Variants in PRKAA2 observed in about 807,000 individuals in gnomAD.
PRKAA2 encodes the protein 5'-AMP-activated protein kinase catalytic subunit alpha-2.
Under a neutral mutation model 56.3 loss-of-function variants are expected in PRKAA2, and 40 were observed. The observed-to-expected ratio is 0.71, with a 90% CI of 0.55 to 0.92. The LOEUF is 0.92. Ranked by LOEUF, PRKAA2 falls within the 40% of genes least tolerant of loss-of-function variation. PRKAA2 has a pLI of 0.00. For synonymous variants in PRKAA2, 214 were observed against 234.2 expected, an observed-to-expected ratio of 0.91 and a Z score of 0.79; for missense variants, 542 against 686.9, an observed-to-expected ratio of 0.79 and a Z score of 2.36.
intron 7 of PRKAA2, among the ~76,000 whole-genome samples, chr1:56,705,130 C>G (rs943486739): frequency 1.3e-5 from 2 of 151,944 alleles, no homozygotes; most frequent in Non-Finnish European, 2.9e-5. Flanking sequence ...GGATTGTGAA[C>G]TTTTAAAGGA....
chr1:56,672,857 A>G (rs1420550547), intron 1 of PRKAA2, among the ~76,000 whole-genome samples: 1 of 152,176 alleles, frequency 6.6e-6, no homozygotes, highest in African/African-American at 2.4e-5. Flanking sequence ...AAATGTAACT[A>G]CTGTAACTAC....
intron 1 of PRKAA2, among the ~76,000 whole-genome samples, chr1:56,665,764 G>C (rs1200826882): frequency 1.3e-5 from 2 of 152,000 alleles, no homozygotes; most frequent in Non-Finnish European, 2.9e-5. Flanking sequence ...ATTGCATTGT[G>C]GTCTTAATTT....
intron 1 of PRKAA2, among the ~76,000 whole-genome samples, chr1:56,657,977 C>T (rs2746353): frequency 0.57 from 86,301 of 151,864 alleles, 25,082 homozygotes; most frequent in East Asian, 0.83. Context: ...TCTTGCGAGA[C>T]TGAGAATATA....
intron 1 of PRKAA2, among the ~76,000 whole-genome samples, chr1:56,651,039 G>A (rs931489343): frequency 4.6e-5 from 7 of 152,152 alleles, no homozygotes; most frequent in African/African-American, 1.7e-4. Context: ...TGCTTGACTT[G>A]TGTGCTAGTG....
intron 2 of PRKAA2, among the ~76,000 whole-genome samples, chr1:56,688,896 A>G (rs934555418): frequency 1.3e-5 from 2 of 152,232 alleles, no homozygotes; most frequent in African/African-American, 4.8e-5. Context: ...TAGGTACTCA[A>G]TAAATGTTGT....
At chr1:56,691,529 T>C (rs375723174) in intron 3 of PRKAA2, 42 bp downstream of exon 3, 1 of 1,486,552 alleles carries the variant, frequency 6.7e-7, no homozygotes, top group East Asian at 2.3e-5. Context: ...TCTAAACTAA[T>C]AAAAAGGAAA....
chr1:56,699,911 T>C (rs1644282816), intron 6 of PRKAA2, among the ~76,000 whole-genome samples: 1 of 152,224 alleles, frequency 6.6e-6, no homozygotes, highest in African/African-American at 2.4e-5. Flanking sequence ...ACTTTCCTAC[T>C]GTAGCATGTA....
intron 1 of PRKAA2, among the ~76,000 whole-genome samples, chr1:56,671,114 A>C (rs537939886): frequency 2.0e-5 from 3 of 152,358 alleles, no homozygotes; most frequent in African/African-American, 7.2e-5. Context: ...ACAAAAGTTT[A>C]TATCTGTAAT....
At chr1:56,658,138 A>G (rs1028647235) in intron 1 of PRKAA2, among the ~76,000 whole-genome samples, 1 of 152,234 alleles carries the variant, frequency 6.6e-6, no homozygotes, top group African/African-American at 2.4e-5. Context: ...GGTAGCCATT[A>G]AAATGAAACC....
At chr1:56,660,323 G>A (rs563258764) in intron 1 of PRKAA2, among the ~76,000 whole-genome samples, 1 of 152,288 alleles carries the variant, frequency 6.6e-6, no homozygotes, top group South Asian at 2.1e-4. Flanking sequence ...TAACATTTAA[G>A]TTCATTTTAC....
At chr1:56,649,860 C>T (rs1467930213) in intron 1 of PRKAA2, among the ~76,000 whole-genome samples, 6 of 152,144 alleles carry the variant, frequency 3.9e-5, no homozygotes, top group South Asian at 4.2e-4. Context: ...TTTGGGAGGC[C>T]GAGGTAGGTG....
chr1:56,707,131 A>G (rs142943709), intron 8 of PRKAA2, among the ~76,000 whole-genome samples: 131 of 151,970 alleles, frequency 8.6e-4, no homozygotes, highest in African/African-American at 2.8e-3. Context: ...TACCTTAGTG[A>G]TTTTTTTTGT....
intron 2 of PRKAA2, among the ~76,000 whole-genome samples, chr1:56,676,469 A>G (rs889111710): frequency 6.6e-6 from 1 of 152,210 alleles, no homozygotes; most frequent in Non-Finnish European, 1.5e-5. Flanking sequence ...TGGGAAATGC[A>G]AAGAAATTCT....
Position 56,708,940 on chromosome 1 carries a change from G to A in PRKAA2, c.*1227G>A, listed in dbSNP as rs915688230. 2.6e-5 allele frequency: 4 copies of A among 151,518 alleles called. No individual in the cohort carries two copies. The highest frequency in any genetic ancestry group is 5.9e-5 in the Non-Finnish European group (4 of 67,860). 9.4% of individuals were successfully genotyped at this position (151,518 alleles called of 1,614,324 possible). A position where few individuals can be genotyped will look rare whatever the true frequency, so the allele number is the denominator to read the frequency against. On this transcript the variant is annotated 3_prime_UTR_variant, in exon 9 of 9. Transcript: ENST00000371244. ...CTTTTAAGCAAAAACCAGTTTTTTT[G>A]TTTGTTTGTTTTGCTTTGTGCAGGT...
chr1:56,682,479 C>G (rs1644161843), intron 2 of PRKAA2, among the ~76,000 whole-genome samples: 1 of 152,078 alleles, frequency 6.6e-6, no homozygotes, highest in African/African-American at 2.4e-5. Context: ...AAGCAAACTT[C>G]AAGTGTTGTA....
rs1217075097 is a variant in PRKAA2 at position 56,692,343 on chromosome 1, T to C, written c.331-15T>C. The C allele has an allele frequency of 1.9e-6, 3 of 1,613,742 alleles. No individual in the cohort carries two copies. In the South Asian group the frequency reaches 3.3e-5, roughly 18 times the overall value. On this transcript the variant is annotated splice_polypyrimidine_tract_variant and intron_variant, in intron 3 of 8. Coordinates refer to ENST00000371244, the MANE Select transcript of PRKAA2 (RefSeq NM_006252.4). ...CCCCAGATATTCTTAATGCAGTTTC[T>C]TTTGTGCTTGATAGGTTGAAGAGAT... is the stretch of plus-strand genomic sequence containing the variant.
chr1:56,654,400 A>G (rs1056272253), intron 1 of PRKAA2, among the ~76,000 whole-genome samples: 1 of 152,154 alleles, frequency 6.6e-6, no homozygotes, highest in African/African-American at 2.4e-5. Flanking sequence ...AATATTTTGT[A>G]GAGGAAGTAT....
intron 1 of PRKAA2, among the ~76,000 whole-genome samples, chr1:56,658,490 A>C (rs1205076193): frequency 6.6e-6 from 1 of 152,066 alleles, no homozygotes; most frequent in African/African-American, 2.4e-5. Flanking sequence ...ATGCTAATAC[A>C]TTCTCCAACG....
chr1:56,659,896 A>G (rs542292006), intron 1 of PRKAA2, among the ~76,000 whole-genome samples: 1 of 152,300 alleles, frequency 6.6e-6, no homozygotes, highest in African/African-American at 2.4e-5. Flanking sequence ...TGACAAAGAG[A>G]GACCCTGTCT....
Sources: allele counts gnomAD v4.1 joint callset (sites outside exome capture counted in the v4.1 genomes callset), GRCh38; gene constraint gnomAD v4.1.1; transcripts MANE v1.5; gene names NCBI Gene and HGNC (gene_info 2026-07-23, HGNC 2026-07-21).